ULK1: variants seen among roughly 807,000 people sequenced by gnomAD.
ULK1 encodes unc-51 like autophagy activating kinase 1, also known as serine/threonine-protein kinase ULK1.
ULK1 carries 48 observed loss-of-function variants against 117.5 expected under a neutral mutation model. The ratio of observed to expected loss-of-function variants is 0.41; its 90% CI spans 0.32 to 0.52. The LOEUF (loss-of-function observed/expected upper bound fraction) is 0.52, where lower values mean the gene tolerates loss of function less well. Ranked by LOEUF, ULK1 falls within the 20% of genes least tolerant of loss-of-function variation. The pLI is 0.29. For missense variants in ULK1, 1,387 were observed against 1,473.4 expected (o/e 0.94, Z 0.96); for synonymous variants, 790 against 637.8 (o/e 1.24, Z -3.60).
intron 3 of ULK1, among the ~76,000 whole-genome samples, chr12:131,901,481 C>A (rs528770655): frequency 1.3e-5 from 2 of 152,234 alleles, no homozygotes; most frequent in East Asian, 3.8e-4. Flanking sequence ...GCCCGCGTCC[C>A]GGGCCGCTCT....
rs746816815 is a variant in ULK1 at position 131,918,675 on chromosome 12, C to T, written c.2505C>T (p.Leu835=). 3 of 1,516,282 alleles carry T rather than the reference C, an allele frequency of 2.0e-6. No homozygotes were observed. Among genetic ancestry groups the T allele is most frequent in the Non-Finnish European group, 2.7e-6 (3 of 1,120,838 alleles). 93.9% of individuals were successfully genotyped at this position (1,516,282 alleles called of 1,614,324 possible). Residue 835 remains leucine, a synonymous_variant, in exon 23 of 28, where the codon CTC becomes CTT. Coordinates refer to ENST00000321867, the MANE Select transcript of ULK1 (RefSeq NM_003565.4). ...FEAPDLPEET[L]MEQEHTEILR... ...CCCCCGACCTCCCTGAGGAGACCCT[C>T]ATGGAGGTGAGGGCTGGAGTGAGCA...
At chr12:131,901,981 A>T (rs1889108099) in intron 3 of ULK1, among the ~76,000 whole-genome samples, 1 of 152,030 alleles carries the variant, frequency 6.6e-6, no homozygotes, top group Non-Finnish European at 1.5e-5. Context: ...GCCTCACTGC[A>T]TCTAGGGACC....
Position 131,919,252 on chromosome 12 carries a change from TG to T in ULK1, c.2553del (p.Leu852CysfsTer12). Reference protein sequence around the residue: ...TEILRGLRFTLLFVQHVLEIA... With the variant: ...TEILRGLRFTXLFVQHVLEIA... ...ATCCTGCGTGGCCTGCGCTTCACGC[TG>T]CTGTTCGTGCAGCACGTCCTGGAGA... On this transcript the variant is annotated frameshift_variant, in exon 24 of 28. Coordinates refer to ENST00000321867, the MANE Select transcript of ULK1 (RefSeq NM_003565.4). LOFTEE classifies it high-confidence loss of function. 6.3e-7 allele frequency: 1 copy of T among 1,598,098 alleles called. No homozygotes were observed. Among genetic ancestry groups the T allele is most frequent in the Non-Finnish European group, 8.5e-7 (1 of 1,177,486 alleles).
chr12:131,910,151 C>T (rs1040950785), intron 10 of ULK1, 103 bp from the exon 11 acceptor site: 10 of 1,570,786 alleles, frequency 6.4e-6, no homozygotes, highest in African/African-American at 2.7e-5. Context: ...CACCTCCGCC[C>T]GGGCAGGTGC....
chr12:131,918,921 G>GTGGGGTGTAGGGTGTGGGGTGT (rs1566129236), intron 23 of ULK1, among the ~76,000 whole-genome samples: 29 of 50,390 alleles, frequency 5.8e-4, no homozygotes, highest in African/African-American at 1.2e-3. Flanking sequence ...TGTGTGGGGT[G>GTGGGGTGTAGGGTGTGGGGTGT]CAGGGTGTGT....
chr12:131,911,769 G>A (rs930818806), intron 12 of ULK1, among the ~76,000 whole-genome samples, 173 bp from the exon 13 acceptor site: 3 of 152,230 alleles, frequency 2.0e-5, no homozygotes, highest in African/African-American at 7.2e-5. Flanking sequence ...TGAGTGGAGT[G>A]CTCTGGAAGT....
chr12:131,904,323 T>G (rs898193294), intron 3 of ULK1, among the ~76,000 whole-genome samples: 1 of 152,192 alleles, frequency 6.6e-6, no homozygotes, highest in African/African-American at 2.4e-5. Context: ...ATTTTTGTAT[T>G]TTTTTGTAGA....
chr12:131,908,575 T>G (rs1889377933), intron 5 of ULK1, 69 bp from the exon 6 acceptor site: 1 of 1,410,786 alleles, frequency 7.1e-7, no homozygotes, highest in African/African-American at 1.5e-5. Context: ...GGGACCGGCC[T>G]GGCTGCGCGG....
chr12:131,921,136 C>T lies in ULK1; in HGVS notation c.2998C>T (p.Arg1000Cys), dbSNP rs867192177. The T allele has an allele frequency of 6.9e-6, 11 of 1,602,888 alleles. No individual in the cohort carries two copies. Among genetic ancestry groups the T allele is most frequent in the African/African-American group, 1.3e-5 (1 of 74,906 alleles). ...SAALDEMFQH[R>C]EGCVPRYHKA... ...TGCCCTGGACGAGATGTTCCAGCAC[C>T]GTGAGGGCTGCGTCCCACGCTACCA... Residue 1000 changes from arginine (R) to cysteine (C), a missense_variant, in exon 27 of 28, where the codon CGT (arginine) becomes TGT (cysteine). Physicochemically the swap from Arg to Cys is radical, Grantham distance 180. Around this residue, in one of 4 missense-constraint regions of ULK1, gnomAD observed 900 missense variants for 858.9 expected, o/e 1.05. Transcript: ENST00000321867.
chr12:131,910,081 T>G, intron 10 of ULK1, 80 bp downstream of exon 10: 1 of 1,577,796 alleles, frequency 6.3e-7, no homozygotes, highest in Non-Finnish European at 8.7e-7. Flanking sequence ...GCCCACCGGC[T>G]TCACACCCAG....
intron 21 of ULK1, 23 bp from the exon 22 acceptor site, chr12:131,917,388 T>C: frequency 6.9e-7 from 1 of 1,453,914 alleles, no homozygotes; most frequent in Non-Finnish European, 9.1e-7. Context: ...AGGATGCTCC[T>C]GAGCCCTTCC....
chr12:131,895,714 GGGGCGTGGGCGT>G (rs553554266), intron 2 of ULK1, 21 bp downstream of exon 2: 16 of 1,614,060 alleles, frequency 9.9e-6, no homozygotes, highest in East Asian at 2.2e-5. Flanking sequence ...GCTGGGGGAG[GGGGCGTGGGCGT>G]GGGCGTGGGC....
In ULK1 at chr12:131,909,223, A is replaced by G; in HGVS notation, c.652A>G (p.Lys218Glu). 6.2e-7 allele frequency: 1 copy of G among 1,602,762 alleles called. No homozygotes were observed. The highest frequency in any genetic ancestry group is 8.5e-7 in the Non-Finnish European group (1 of 1,175,288). ...CATCGTCTACCAGTGCCTGACGGGG[A>G]AGGCGCCCTTCCAGGTAACTGGGCT... ...GTIVYQCLTG[K>E]APFQASSPQD... The change falls in exon 8 of 28, where the codon AAG (lysine) becomes GAG (glutamate). Residue 218 changes from lysine (K) to glutamate (E), a missense_variant. Coordinates refer to ENST00000321867, the MANE Select transcript of ULK1 (RefSeq NM_003565.4).
rs1853170959 is a variant in ULK1, at chr12:131,894,940, G to C, written c.-62G>C. 81 of 75,128 alleles carry C rather than the reference G, an allele frequency of 1.1e-3. No individual in the cohort carries two copies. The highest frequency in any genetic ancestry group is 1.5e-3 in the Non-Finnish European group (76 of 49,500). 4.7% of individuals were successfully genotyped at this position (75,128 alleles called of 1,614,324 possible). A position where few individuals can be genotyped will look rare whatever the true frequency, so the allele number is the denominator to read the frequency against. ...CCCGCCCGCCCCGGCCCGCGCCTCCGCCTGAGTCCCCCGCGCCTTGGCCCG... is the reference window on the plus strand; with the variant it reads ...CCCGCCCGCCCCGGCCCGCGCCTCCCCCTGAGTCCCCCGCGCCTTGGCCCG... On this transcript the variant is annotated 5_prime_UTR_variant, in exon 1 of 28. Coordinates refer to ENST00000321867, the MANE Select transcript of ULK1 (RefSeq NM_003565.4).
rs749080048 is a variant in ULK1, at chr12:131,917,436, C to A, written c.2208C>A (p.Ser736Arg). Residue 736 changes from serine (S) to arginine (R), a missense_variant, in exon 22 of 28, where the codon AGC becomes AGA. Physicochemically the swap from Ser to Arg is moderately radical, Grantham distance 110 (BLOSUM62 -1). Coordinates refer to ENST00000321867, the MANE Select transcript of ULK1 (RefSeq NM_003565.4). ...CACCCTCAGCTGGCTTTGGAGGGAG[C>A]CTGCACCCAGGAGCCCGTGCTGGGG... The part of the protein sequence containing the change: ...EIAPSAGFGG[S>R]LHPGARAGGT... 4 of 1,541,654 alleles carry A rather than the reference C, an allele frequency of 2.6e-6. No homozygotes were observed. Among genetic ancestry groups the A allele is most frequent in the East Asian group, 2.4e-5 (1 of 40,952 alleles).
intron 22 of ULK1, among the ~76,000 whole-genome samples, chr12:131,918,106 C>T (rs1215126274): frequency 6.6e-6 from 1 of 152,180 alleles, no homozygotes; most frequent in African/African-American, 2.4e-5. Context: ...GACTGCCTTG[C>T]CCTTTGAGGT....
rs542094526 is a variant in ULK1, at chr12:131,922,270, G to T, written c.*909G>T. On this transcript the variant is annotated 3_prime_UTR_variant, in exon 28 of 28. Transcript: ENST00000321867. ...GAGGCAGATGGCACAGGGGCGTGTG[G>T]CGGGCGGGTGAGGCTGCTTTGCACA... The T allele has an allele frequency of 1.1e-3, 371 of 350,504 alleles. 1 individual carries two copies. Among genetic ancestry groups the T allele is most frequent in the African/African-American group, 7.4e-3 (348 of 46,732 alleles). 21.7% of individuals were successfully genotyped at this position (350,504 alleles called of 1,614,324 possible).
In ULK1 at chr12:131,909,983, A is replaced by C. The variant is rs1213463024; in HGVS notation, c.790A>C (p.Lys264Gln). Reference sequence around the variant, plus strand: ...CCTGGCCCTACTGCAACGCAACCACAAGGACCGCATGGACTTCGGTGAGCA... The same window carrying C: ...CCTGGCCCTACTGCAACGCAACCACCAGGACCGCATGGACTTCGGTGAGCA... ...LLLALLQRNH[K>Q]DRMDFDEFFH... Residue 264 changes from lysine (K) to glutamine (Q), a missense_variant, in exon 10 of 28, where the codon AAG becomes CAG. Around this residue, in one of 4 missense-constraint regions of ULK1, gnomAD observed 260 missense variants for 271.6 expected, o/e 0.96. Transcript: ENST00000321867. 3.1e-6 allele frequency: 5 copies of C among 1,611,810 alleles called. No individual in the cohort carries two copies. The highest frequency in any genetic ancestry group is 4.2e-6 in the Non-Finnish European group (5 of 1,179,826).
chr12:131,909,119 G>A lies in ULK1; in HGVS notation c.565-17G>A, dbSNP rs759131114. The A allele has an allele frequency of 3.7e-6, 6 of 1,602,204 alleles. No homozygotes were observed. Among genetic ancestry groups the A allele is most frequent in the South Asian group, 1.1e-5 (1 of 89,888 alleles). On this transcript the variant is annotated splice_polypyrimidine_tract_variant and intron_variant, in intron 7 of 27. Transcript: ENST00000321867. ...GCGTGCGGGGGCCTCACACTGACCC[G>A]ACTTCTGGTCCCGCAGGCCCCCGAG...
Sources: gnomAD v4.1 joint callset for allele counts (sites outside exome capture counted in the v4.1 genomes callset) on GRCh38, gnomAD v4.1.1 for gene constraint, gnomAD v4.1.1 regional missense constraint, MANE v1.5 for transcripts, NCBI Gene and HGNC (gene_info 2026-07-23, HGNC 2026-07-21) for gene names.